AMBRA1: variants seen among roughly 807,000 people sequenced by gnomAD.
The protein encoded by AMBRA1 is activating molecule in BECN1-regulated autophagy protein 1.
A neutral mutation model predicts 125.4 loss-of-function variants in AMBRA1; 47 were observed. The observed-to-expected ratio is 0.37, with a 90% CI of 0.30 to 0.48. AMBRA1 has a LOEUF of 0.48. Ranked by LOEUF, AMBRA1 falls within the 20% of genes least tolerant of loss-of-function variation. AMBRA1 has a pLI of 0.99. For missense variants in AMBRA1, 1,331 were observed against 1,693.4 expected (o/e 0.79, Z 3.76); for synonymous variants, 626 against 655.5 (o/e 0.95, Z 0.69).
chr11:46,553,749 A>G lies in AMBRA1; in HGVS notation c.-120-5249T>C, dbSNP rs1303723789. On this transcript the variant is annotated intron_variant, in intron 1 of 17. Transcript: ENST00000683756. ...GACAGAGTGAGACTCCATCTCAAAA[A>G]AAAAACACAAAAACAAAAACAAAAA... 2.0e-5 allele frequency among the ~76,000 whole-genome samples: 3 copies of G among 152,154 alleles called. No individual in the cohort carries two copies. In the South Asian group the frequency reaches 6.2e-4, roughly 32 times the overall value.
At chr11:46,561,210 G>A (rs1286776603) in intron 1 of AMBRA1, among the ~76,000 whole-genome samples, 1 of 152,004 alleles carries the variant, frequency 6.6e-6, no homozygotes, top group Non-Finnish European at 1.5e-5. Context: ...GTGAAACCCT[G>A]TCTCTACTAA....
chr11:46,552,043 CAATT>C (rs1405438647), intron 1 of AMBRA1, among the ~76,000 whole-genome samples: 1 of 149,444 alleles, frequency 6.7e-6, no homozygotes. Context: ...AAAAATTAAC[CAATT>C]AATTAATCAA....
chr11:46,538,560 C>A (rs1316456068), intron 7 of AMBRA1, among the ~76,000 whole-genome samples: 1 of 152,084 alleles, frequency 6.6e-6, no homozygotes, highest in Non-Finnish European at 1.5e-5. Context: ...GTGGTGCAAT[C>A]TCGGCTCACT....
chr11:46,411,814 T>TG (rs1946309831), intron 15 of AMBRA1, among the ~76,000 whole-genome samples: 1 of 151,864 alleles, frequency 6.6e-6, no homozygotes, highest in African/African-American at 2.4e-5. Context: ...TTGTTTGAGG[T>TG]GGGGTCTCAC....
intron 16 of AMBRA1, 43 bp downstream of exon 16, chr11:46,410,233 T>G (rs765709475): frequency 2.5e-6 from 4 of 1,593,258 alleles, no homozygotes; most frequent in Non-Finnish European, 3.4e-6. Context: ...GAGGAAGGGA[T>G]GGGCCTCCAG....
intron 1 of AMBRA1, among the ~76,000 whole-genome samples, chr11:46,558,548 CAAAAA>C (rs58748629): frequency 7.7e-5 from 3 of 38,736 alleles, no homozygotes; most frequent in South Asian, 2.4e-3. Flanking sequence ...GACTCCCTCT[CAAAAA>C]AAAAAAAAAA....
intron 1 of AMBRA1, among the ~76,000 whole-genome samples, chr11:46,551,054 G>A (rs1487705952): frequency 2.1e-5 from 3 of 143,492 alleles, no homozygotes; most frequent in Admixed American, 1.4e-4. Flanking sequence ...CCAAGATCGC[G>A]CCACTGCACT....
intron 14 of AMBRA1, among the ~76,000 whole-genome samples, chr11:46,421,208 G>A (rs907263938): frequency 2.0e-5 from 3 of 152,164 alleles, no homozygotes; most frequent in South Asian, 2.1e-4. Flanking sequence ...TGAGACCCCC[G>A]GGTTGTTGCT....
intron 9 of AMBRA1, among the ~76,000 whole-genome samples, chr11:46,507,658 TG>T (rs1256292773): frequency 1.3e-5 from 2 of 152,044 alleles, no homozygotes; most frequent in Non-Finnish European, 2.9e-5. Flanking sequence ...GGTTCCTGAA[TG>T]GGGGGTAAGA....
intron 14 of AMBRA1, among the ~76,000 whole-genome samples, chr11:46,422,675 T>A (rs1223604567): frequency 2.6e-5 from 4 of 151,954 alleles, no homozygotes; most frequent in African/African-American, 7.3e-5. Flanking sequence ...ATGGTCGTAT[T>A]TTTTTTCCCC....
intron 17 of AMBRA1, among the ~76,000 whole-genome samples, chr11:46,401,617 G>C (rs1214502828): frequency 2.0e-5 from 3 of 152,186 alleles, no homozygotes; most frequent in Non-Finnish European, 4.4e-5. Flanking sequence ...CCCCCAGAGA[G>C]CCCCGGATGG....
chr11:46,508,352 G>C lies in AMBRA1; in HGVS notation c.2178C>G (p.Tyr726Ter). Residue 726 changes from tyrosine to a stop codon, truncating the protein, a stop_gained, in exon 9 of 18, where the codon TAC (tyrosine) becomes TAG (stop). Transcript: ENST00000683756. LOFTEE classifies it high-confidence loss of function. ...PDPARLSPAA[Y>*]YAQRMIQYLS... The stretch of plus-strand genomic sequence containing the variant: ...GATACTGGATCATCCTCTGGGCGTA[G>C]TATGCAGCAGGAGATAATCTGAGAG... 6.2e-7 allele frequency: 1 copy of C among 1,614,138 alleles called. No individual in the cohort carries two copies. Among genetic ancestry groups the C allele is most frequent in the Non-Finnish European group, 8.5e-7 (1 of 1,179,994 alleles).
Position 46,434,858 on chromosome 11 carries a change from T to G in AMBRA1, c.2812A>C (p.Lys938Gln). Reference protein sequence around the residue: ...PHNLGEMLYTKRFGPNAISVS... With the variant: ...PHNLGEMLYTQRFGPNAISVS... Reference sequence around the variant, plus strand: ...GCTTCCTATCCCTTACCAAATCGCTTGGTGTAGAGCATTTCGCCCAGGTTA... The same window carrying G: ...GCTTCCTATCCCTTACCAAATCGCTGGGTGTAGAGCATTTCGCCCAGGTTA... The change falls in exon 13 of 18, where the codon AAG becomes CAG. Residue 938 changes from lysine to glutamine, a missense_variant. Lys to Gln is a moderately conservative substitution (Grantham distance 53). This residue lies in a region of AMBRA1 where 354 missense variants were observed against 532.7 expected (regional missense o/e 0.66). Transcript: ENST00000683756. The G allele has an allele frequency of 6.3e-7, 1 of 1,597,854 alleles. No homozygotes were observed. Among genetic ancestry groups the G allele is most frequent in the Non-Finnish European group, 8.5e-7 (1 of 1,172,774 alleles).
chr11:46,593,194 C>G (rs758696241), intron 1 of AMBRA1, among the ~76,000 whole-genome samples: 1 of 152,072 alleles, frequency 6.6e-6, no homozygotes. Flanking sequence ...GGATCACAGA[C>G]GATCAAACAA....
intron 7 of AMBRA1, chr11:46,518,081 A>G: frequency 1.0e-6 from 1 of 979,302 alleles, no homozygotes; most frequent in Non-Finnish European, 1.2e-6. Context: ...CATACAACAC[A>G]CAAAAATCTT....
At chr11:46,538,777 C>T (rs981207736) in intron 7 of AMBRA1, among the ~76,000 whole-genome samples, 1 of 152,096 alleles carries the variant, frequency 6.6e-6, no homozygotes, top group Non-Finnish European at 1.5e-5. Flanking sequence ...GGATTACAGG[C>T]GTGAGCCACT....
intron 14 of AMBRA1, among the ~76,000 whole-genome samples, chr11:46,425,446 G>A (rs1947080327): frequency 6.6e-6 from 1 of 151,788 alleles, no homozygotes; most frequent in Non-Finnish European, 1.5e-5. Context: ...TTGAAAAAAA[G>A]GATGTTTTGC....
At chr11:46,478,139 A>G (rs1046518468) in intron 11 of AMBRA1, among the ~76,000 whole-genome samples, 1 of 152,164 alleles carries the variant, frequency 6.6e-6, no homozygotes, top group African/African-American at 2.4e-5. Flanking sequence ...CAATCTCAAT[A>G]ATGCCAAGTA....
intron 11 of AMBRA1, among the ~76,000 whole-genome samples, chr11:46,459,765 CA>C (rs1486805738): frequency 6.7e-6 from 1 of 149,408 alleles, no homozygotes; most frequent in African/African-American, 2.4e-5. Flanking sequence ...CACACACACA[CA>C]CACACACACC....
Sources: allele counts gnomAD v4.1 joint callset (sites outside exome capture counted in the v4.1 genomes callset), GRCh38; gene constraint gnomAD v4.1.1; regional missense constraint gnomAD v4.1.1; transcripts MANE v1.5; gene names NCBI Gene and HGNC (gene_info 2026-07-23, HGNC 2026-07-21).